Variants in GNL3 observed in about 807,000 individuals in gnomAD.
GNL3 encodes G protein nucleolar 3.
GNL3 carries 77 observed loss-of-function variants against 70.6 expected under a neutral mutation model. The ratio of observed to expected loss-of-function variants is 1.09; its 90% CI spans 0.91 to 1.32. GNL3 has a LOEUF of 1.32. Among genes scored for constraint, GNL3 ranks in the 40% most tolerant of loss-of-function variants. The pLI is 0.00. For missense variants in GNL3, 634 were observed against 644.0 expected (o/e 0.98, Z 0.17); for synonymous variants, 252 against 216.1 (o/e 1.17, Z -1.46).
intron 13 of GNL3, 107 bp from the exon 14 acceptor site, chr3:52,693,930 C>A (rs1165807880): frequency 4.7e-6 from 6 of 1,281,344 alleles, no homozygotes; most frequent in East Asian, 4.7e-5. Flanking sequence ...TTTTGCACAT[C>A]CCGTTATATG....
At chr3:52,691,675 T>A in intron 9 of GNL3, 46 bp downstream of exon 9, 1 of 1,039,044 alleles carries the variant, frequency 9.6e-7, no homozygotes, top group Non-Finnish European at 1.5e-6. Flanking sequence ...GACACACTAT[T>A]TTATTTTGGT....
rs778740480 is a variant in GNL3 at position 52,694,101 on chromosome 3, C to T, written c.1565C>T (p.Ala522Val). 5 of 1,610,204 alleles carry T rather than the reference C, an allele frequency of 3.1e-6. No individual in the cohort carries two copies. In the East Asian group the frequency reaches 8.9e-5, roughly 29 times the overall value. The change falls in exon 14 of 15, where the codon GCA becomes GTA. Residue 522 changes from alanine (A) to valine (V), a missense_variant and splice_region_variant. Transcript: ENST00000418458. ...TGEALSEETT[A>V]GEQSTRSFIL... The stretch of plus-strand genomic sequence containing the variant: ...GAGGCACTGTCTGAGGAGACTACAG[C>T]AGGTGAGGCAGGCAAAAGGGGTTCT...
In GNL3 at chr3:52,689,191, A is replaced by G. The variant is rs1488856925; in HGVS notation, c.526A>G (p.Ile176Val). Residue 176 changes from isoleucine (I) to valine (V), a missense_variant, in exon 6 of 15, where the codon ATA becomes GTA. Ile to Val is a conservative substitution (Grantham distance 29). Coordinates refer to ENST00000418458, the MANE Select transcript of GNL3 (RefSeq NM_014366.5). ...GAGTGGACAGAAAAAGCTGGTACTT[A>G]TATTAAATAAATCAGGTGAGTAAAG... ...VQSGQKKLVLILNKSDLVPKE... is the reference protein window; with the variant it reads ...VQSGQKKLVLVLNKSDLVPKE... The G allele has an allele frequency of 1.9e-6, 3 of 1,613,454 alleles. No homozygotes were observed. The highest frequency in any genetic ancestry group is 2.2e-5 in the East Asian group (1 of 44,884).
At chr3:52,686,511 T>C (rs1291551557) in intron 1 of GNL3, 5 of 575,270 alleles carry the variant, frequency 8.7e-6, no homozygotes. Context: ...GTTGTCGTTT[T>C]GTGTCTCATA....
rs141147396 is a variant in GNL3, at chr3:52,693,674, C to G, written c.1367C>G (p.Ser456Cys). 6.2e-7 allele frequency: 1 copy of G among 1,614,102 alleles called. No homozygotes were observed. Among genetic ancestry groups the G allele is most frequent in the South Asian group, 1.1e-5 (1 of 91,080 alleles). ...TTGGCCAATAGCATCCTTTTCCAGT[C>G]TTCCGGTCTGACAAATGGAATAATA... is the stretch of plus-strand genomic sequence containing the variant. ...PHLANSILFQ[S>C]SGLTNGIIEE... Residue 456 changes from serine to cysteine, a missense_variant, in exon 13 of 15, where the codon TCT becomes TGT. Transcript: ENST00000418458.
chr3:52,690,033 AGTCT>A (rs1166806149), intron 6 of GNL3, among the ~76,000 whole-genome samples: 2 of 152,196 alleles, frequency 1.3e-5, no homozygotes, highest in African/African-American at 2.4e-5. Flanking sequence ...CCAGACGTTG[AGTCT>A]GTCCTGAAGT....
chr3:52,694,172 CTT>C lies in GNL3; in HGVS notation c.1568-19_1568-18del, dbSNP rs766470121. 75 of 1,595,886 alleles carry C rather than the reference CTT, an allele frequency of 4.7e-5. No individual in the cohort carries two copies. In the African/African-American group the frequency reaches 6.4e-4, roughly 14 times the overall value. On this transcript the variant is annotated intron_variant, in intron 14 of 14. Coordinates refer to ENST00000418458, the MANE Select transcript of GNL3 (RefSeq NM_014366.5). Reference sequence around the variant, plus strand: ...AATCACTTTTACTTTTTGAAAATCTCTTTATTTTCCTGCAATATAGGTGAACA... The same window carrying C: ...AATCACTTTTACTTTTTGAAAATCTCTATTTTCCTGCAATATAGGTGAACA...
In GNL3 at chr3:52,694,062, C is replaced by T; in HGVS notation, c.1526C>T (p.Ala509Val). The T allele has an allele frequency of 6.2e-7, 1 of 1,613,824 alleles. No individual in the cohort carries two copies. Among genetic ancestry groups the T allele is most frequent in the Non-Finnish European group, 8.5e-7 (1 of 1,179,744 alleles). ...GAAAACAGCTCAGGCATGTTTGCTG[C>T]AGAAGAGACAGGGGAGGCACTGTCT... ...VDENSSGMFAAEETGEALSEE... is the reference protein window; with the variant it reads ...VDENSSGMFAVEETGEALSEE... The change falls in exon 14 of 15, where the codon GCA becomes GTA. Residue 509 changes from alanine to valine, a missense_variant. Transcript: ENST00000418458.
At position 52,686,115 on chromosome 3, in the gene GNL3, G is replaced by T. The variant is rs370536252; in HGVS notation, c.13+10G>T. ...AATATGAAAAGGCCTAGTAAGTGGG[G>T]TCGGGAGGCGGGCGTGGAGGGACCC... On this transcript the variant is annotated intron_variant, in intron 1 of 14. Coordinates refer to ENST00000418458, the MANE Select transcript of GNL3 (RefSeq NM_014366.5). 22 of 1,568,500 alleles carry T rather than the reference G, an allele frequency of 1.4e-5. No individual in the cohort carries two copies. The highest frequency in any genetic ancestry group is 1.9e-5 in the Non-Finnish European group (22 of 1,139,206).
Position 52,687,243 on chromosome 3 carries a change from T to C in GNL3, c.73-3T>C, listed in dbSNP as rs1464934475. The C allele has an allele frequency of 8.1e-6, 13 of 1,603,666 alleles. No individual in the cohort carries two copies. The highest frequency in any genetic ancestry group is 2.7e-5 in the African/African-American group (2 of 74,362). On this transcript the variant is annotated splice_region_variant and splice_polypyrimidine_tract_variant and intron_variant, in intron 2 of 14. Transcript: ENST00000418458. ...AGCAGACAAAATCTCTTTATTTTAA[T>C]AGGTTCGAGAACATCATCGAAAATT... is the stretch of plus-strand genomic sequence containing the variant.
chr3:52,693,607 T>A lies in GNL3; in HGVS notation c.1325-25T>A, dbSNP rs755491209. The A allele has an allele frequency of 3.0e-5, 48 of 1,613,822 alleles. 4 individuals are homozygous for A. The Admixed American group carries it at 6.8e-4, about 23-fold the overall frequency. ...CAGGCCAGTGGAGCTCTTACCTGTT[T>A]ACATGGGCTTGCTTTCTTTCCCAGC... On this transcript the variant is annotated intron_variant, in intron 12 of 14. Transcript: ENST00000418458.
chr3:52,691,621 G>A lies in GNL3; in HGVS notation c.861G>A (p.Gly287=), dbSNP rs779290494. ...TGTGTAATGTTGGTGTATCCATGGG[G>A]CTTACAAGGTAAATGGAGGTGTCCA... ...EQMCNVGVSM[G]LTRSMQVVPL... is the part of the protein sequence containing the mutation. Residue 287 remains glycine (G), a synonymous_variant, in exon 9 of 15, where the codon GGG becomes GGA. Coordinates refer to ENST00000418458, the MANE Select transcript of GNL3 (RefSeq NM_014366.5). The A allele has an allele frequency of 6.5e-7, 1 of 1,546,702 alleles. No homozygotes were observed. Among genetic ancestry groups the A allele is most frequent in the South Asian group, 1.1e-5 (1 of 89,608 alleles).
At chr3:52,691,669 C>T in intron 9 of GNL3, 40 bp downstream of exon 9, 3 of 963,104 alleles carry the variant, frequency 3.1e-6, no homozygotes, top group Non-Finnish European at 5.1e-6. Flanking sequence ...TATAGTGACA[C>T]ACTATTTTAT....
chr3:52,694,183 T>C lies in GNL3; in HGVS notation c.1568-10T>C. 2 of 1,599,654 alleles carry C rather than the reference T, an allele frequency of 1.3e-6. No homozygotes were observed. Among genetic ancestry groups the C allele is most frequent in the Admixed American group, 1.7e-5 (1 of 59,940 alleles). ...CTTTTTGAAAATCTCTTTATTTTCCTGCAATATAGGTGAACAGTCTACAAG... is the reference window on the plus strand; with the variant it reads ...CTTTTTGAAAATCTCTTTATTTTCCCGCAATATAGGTGAACAGTCTACAAG... On this transcript the variant is annotated splice_polypyrimidine_tract_variant and intron_variant, in intron 14 of 14. Coordinates refer to ENST00000418458, the MANE Select transcript of GNL3 (RefSeq NM_014366.5).
rs552477571 is a variant in GNL3 at position 52,691,007 on chromosome 3, C to T, written c.717C>T (p.Gly239=). The T allele has an allele frequency of 6.2e-6, 10 of 1,613,276 alleles. No homozygotes were observed. The East Asian group carries it at 2.0e-4, about 32-fold the overall frequency. ...GTGAAGTCTGCTTTGGGAAAGAGGG[C>T]CTTTGGAAACTTCTTGGAGGTTTTC... ...FRSEVCFGKE[G]LWKLLGGFQE... The change falls in exon 8 of 15, where the codon GGC becomes GGT. Residue 239 remains glycine (G), a synonymous_variant. Coordinates refer to ENST00000418458, the MANE Select transcript of GNL3 (RefSeq NM_014366.5).
chr3:52,693,576 A>C (rs750574194), intron 12 of GNL3, 32 bp downstream of exon 12: 3 of 1,614,034 alleles, frequency 1.9e-6, no homozygotes, highest in South Asian at 2.2e-5. Flanking sequence ...TGTCTTCATC[A>C]GCTGACAGGC....
Position 52,693,004 on chromosome 3 carries a change from G to A in GNL3, c.1002G>A (p.Met334Ile), listed in dbSNP as rs757825671. Residue 334 changes from methionine (M) to isoleucine (I), a missense_variant, in exon 10 of 15, where the codon ATG becomes ATA. Coordinates refer to ENST00000418458, the MANE Select transcript of GNL3 (RefSeq NM_014366.5). ...CAAGTATTGAAGTAGTAAAACCGAT[G>A]GAGGCTGCCAGTGCCATCCTTTCCC... ...SPASIEVVKP[M>I]EAASAILSQA... 2.3e-5 allele frequency: 37 copies of A among 1,614,084 alleles called. No individual in the cohort carries two copies. Among genetic ancestry groups the A allele is most frequent in the Non-Finnish European group, 2.9e-5 (34 of 1,180,030 alleles).
chr3:52,686,343 C>G (rs1047065841), intron 1 of GNL3: 2 of 594,856 alleles, frequency 3.4e-6, no homozygotes, highest in African/African-American at 3.7e-5. Flanking sequence ...GAAGACTAGG[C>G]TAGATTTTCG....
In GNL3 at chr3:52,687,164, C is replaced by T. The variant is rs371997300; in HGVS notation, c.73-82C>T. 18 of 1,180,246 alleles carry T rather than the reference C, an allele frequency of 1.5e-5. No individual in the cohort carries two copies. In the East Asian group the frequency reaches 4.0e-4, roughly 26 times the overall value. The allele number at this position is 1,180,246 out of a possible 1,614,324, so 73.1% of individuals were successfully genotyped here. ...ACATTTTATAGGCATAACTAAATTG[C>T]AGCCAGATTGGTTTCTCACTTGAAT... is the stretch of plus-strand genomic sequence containing the variant. On this transcript the variant is annotated intron_variant, in intron 2 of 14. Transcript: ENST00000418458.
Sources: allele counts gnomAD v4.1 joint callset (sites outside exome capture counted in the v4.1 genomes callset), GRCh38; gene constraint gnomAD v4.1.1; transcripts MANE v1.5; gene names NCBI Gene and HGNC (gene_info 2026-07-23, HGNC 2026-07-21).